The following BABAM2 variants were observed in gnomAD, a reference collection of about 807,000 sequenced individuals.
BABAM2 encodes BRISC and BRCA1-A complex member 2.
A neutral mutation model predicts 54.7 loss-of-function variants in BABAM2; 31 were observed. That is an observed-to-expected ratio of 0.57 (90% CI 0.43 to 0.77). BABAM2 has a LOEUF of 0.77. Among genes scored for constraint, BABAM2 ranks in the 30% least tolerant of loss-of-function variants. The pLI, the probability that BABAM2 is intolerant of heterozygous loss-of-function variation, is 0.00. For synonymous variants in BABAM2, 167 were observed against 162.9 expected (o/e 1.03, Z -0.19); for missense variants, 364 against 455.8 (o/e 0.80, Z 1.83).
chr2:27,985,052 C>T (rs1035086110), intron 3 of BABAM2, among the ~76,000 whole-genome samples: 58 of 117,098 alleles, frequency 5.0e-4, no homozygotes, highest in Admixed American at 1.6e-3. Flanking sequence ...TAGTAGTATT[C>T]CATGATGTGT....
At chr2:27,889,608 T>C (rs1418337986), upstream of BABAM2, among the ~76,000 whole-genome samples, 1 of 152,242 alleles carries the variant, frequency 6.6e-6, no homozygotes, top group Non-Finnish European at 1.5e-5. Context: ...TGGCATATTT[T>C]CTATCATAAT....
chr2:28,155,505 C>A (rs1319440407), intron 7 of BABAM2, among the ~76,000 whole-genome samples: 1 of 152,040 alleles, frequency 6.6e-6, no homozygotes, highest in Admixed American at 6.6e-5. Context: ...TTATACAATA[C>A]TGTTCTTCAT....
intron 5 of BABAM2, among the ~76,000 whole-genome samples, chr2:28,026,957 TAA>T (rs1182851367): frequency 2.1e-3 from 9 of 4,192 alleles, no homozygotes; most frequent in East Asian, 0.1. Context: ...TTAATATATA[TAA>T]ATATATATAT....
At chr2:28,111,853 A>G (rs1668050788) in intron 6 of BABAM2, among the ~76,000 whole-genome samples, 1 of 152,140 alleles carries the variant, frequency 6.6e-6, no homozygotes, top group Admixed American at 6.5e-5. Context: ...TCAGCTGCCT[A>G]CTGTTCACAA....
At chr2:28,237,093 G>T in intron 7 of BABAM2, 109 bp from the exon 8 acceptor site, 1 of 768,470 alleles carries the variant, frequency 1.3e-6, no homozygotes, top group Non-Finnish European at 2.3e-6. Context: ...ATTAACCTAG[G>T]CAGTTGGTGG....
chr2:28,262,943 A>G (rs1189474047), intron 10 of BABAM2, among the ~76,000 whole-genome samples: 1 of 152,120 alleles, frequency 6.6e-6, no homozygotes, highest in Non-Finnish European at 1.5e-5. Context: ...AGGTGATCCA[A>G]ATTCCTGAGA....
At chr2:27,933,393 A>G (rs1275762617) in intron 3 of BABAM2, among the ~76,000 whole-genome samples, 1 of 152,106 alleles carries the variant, frequency 6.6e-6, no homozygotes, top group African/African-American at 2.4e-5. Flanking sequence ...AAATAAAAGG[A>G]AAAGGTAATT....
chr2:27,986,596 G>A (rs1001616638), intron 3 of BABAM2, among the ~76,000 whole-genome samples: 4 of 152,132 alleles, frequency 2.6e-5, no homozygotes, highest in African/African-American at 7.2e-5. Context: ...ATCAGGGAAC[G>A]AGAGGAGTGA....
At chr2:27,928,351 T>A (rs1024876050) in intron 2 of BABAM2, among the ~76,000 whole-genome samples, 1 of 152,120 alleles carries the variant, frequency 6.6e-6, no homozygotes, top group Non-Finnish European at 1.5e-5. Flanking sequence ...GGTTTCACCA[T>A]GTTGGCCAGG....
intron 2 of BABAM2, among the ~76,000 whole-genome samples, chr2:27,919,339 A>G (rs1452288197): frequency 6.6e-6 from 1 of 152,150 alleles, no homozygotes; most frequent in Non-Finnish European, 1.5e-5. Flanking sequence ...TCCAATTTTT[A>G]TACTCCTTAT....
At chr2:28,009,762 T>A (rs569976335) in intron 4 of BABAM2, among the ~76,000 whole-genome samples, 43 of 152,246 alleles carry the variant, frequency 2.8e-4, no homozygotes, top group African/African-American at 1.0e-3. Flanking sequence ...GCTAAGTTGA[T>A]AAATGGTTTG....
At chr2:27,941,954 GCTTC>G (rs1668920053) in intron 3 of BABAM2, among the ~76,000 whole-genome samples, 1 of 152,142 alleles carries the variant, frequency 6.6e-6, no homozygotes, top group Non-Finnish European at 1.5e-5. Context: ...ATGTTCTGGA[GCTTC>G]TACTTTAATG....
chr2:28,252,468 C>T (rs1208822988), intron 10 of BABAM2, among the ~76,000 whole-genome samples: 1 of 152,176 alleles, frequency 6.6e-6, no homozygotes, highest in East Asian at 1.9e-4. Context: ...CACACAAGCA[C>T]ACCCTTCGCC....
intron 7 of BABAM2, among the ~76,000 whole-genome samples, chr2:28,171,112 A>AATAT (rs78174752): frequency 0.024 from 3,630 of 148,714 alleles, 100 homozygotes; most frequent in East Asian, 0.14. Context: ...TGCTTTTTAA[A>AATAT]ATATATATAT....
intron 4 of BABAM2, among the ~76,000 whole-genome samples, chr2:28,021,335 A>G (rs1428916330): frequency 6.6e-6 from 1 of 152,188 alleles, no homozygotes; most frequent in Admixed American, 6.5e-5. Context: ...GCCATGGGTC[A>G]TGTGGAGGAA....
upstream of BABAM2, chr2:27,890,293 ACCG>A (rs1664709070): frequency 6.2e-7 from 1 of 1,613,238 alleles, no homozygotes; most frequent in East Asian, 2.2e-5. The surrounding 1 kb of genome is among the most constrained non-coding windows in gnomAD (Gnocchi z 4.8). Context: ...CACCACTACC[ACCG>A]CCGCCACCTC....
intron 4 of BABAM2, among the ~76,000 whole-genome samples, chr2:27,998,473 G>GTT (rs1312571132): frequency 2.0e-5 from 3 of 147,940 alleles, no homozygotes; most frequent in Non-Finnish European, 4.5e-5. Context: ...ACATTTTTCA[G>GTT]TTTTTTTTTT....
chr2:28,133,370 G>A (rs1670252378), intron 7 of BABAM2, among the ~76,000 whole-genome samples: 1 of 152,190 alleles, frequency 6.6e-6, no homozygotes, highest in East Asian at 1.9e-4. Context: ...TCTTTCAGGA[G>A]TCATGGGAAA....
chr2:28,235,142 A>G (rs1253585123), intron 7 of BABAM2, among the ~76,000 whole-genome samples: 1 of 152,200 alleles, frequency 6.6e-6, no homozygotes, highest in African/African-American at 2.4e-5. Context: ...TTGTTCATTT[A>G]GACTTTTTAT....
Sources: gnomAD v4.1 joint callset for allele counts (sites outside exome capture counted in the v4.1 genomes callset) on GRCh38, gnomAD v4.1.1 for gene constraint, Gnocchi (gnomAD v3.1) non-coding constraint, MANE v1.5 for transcripts, NCBI Gene and HGNC (gene_info 2026-07-23, HGNC 2026-07-21) for gene names.